THSD4: variants seen among roughly 807,000 people sequenced by gnomAD.
The protein encoded by THSD4 is thrombospondin type 1 domain containing 4.
In THSD4, 69 loss-of-function variants were observed where a neutral mutation model predicts 119.0. That is an observed-to-expected ratio of 0.58 (90% CI 0.48 to 0.71). The LOEUF (loss-of-function observed/expected upper bound fraction) is 0.71. Ranked by LOEUF, THSD4 falls within the 30% of genes least tolerant of loss-of-function variation. THSD4 has a pLI of 0.00. For missense variants in THSD4, 1,393 were observed against 1,391.1 expected (o/e 1.00, Z -0.02); for synonymous variants, 524 against 540.4 (o/e 0.97, Z 0.42).
At chr15:71,760,692 A>G (rs2053614379) in intron 15 of THSD4, among the ~76,000 whole-genome samples, 1 of 152,184 alleles carries the variant, frequency 6.6e-6, no homozygotes, top group Non-Finnish European at 1.5e-5. Flanking sequence ...TATTGATTGC[A>G]TTTATTGCAA....
intron 8 of THSD4, among the ~76,000 whole-genome samples, chr15:71,711,939 C>A (rs776616672): frequency 1.3e-5 from 2 of 152,118 alleles, no homozygotes; most frequent in African/African-American, 2.4e-5. Context: ...GAGACATAGA[C>A]AGATCCCCAA....
chr15:71,628,082 A>T (rs954755941), intron 7 of THSD4, among the ~76,000 whole-genome samples: 5 of 152,216 alleles, frequency 3.3e-5, no homozygotes, highest in African/African-American at 1.2e-4. Context: ...ACAAGTTATC[A>T]TGGCCAGGCC....
At position 71,781,470 on chromosome 15, in the gene THSD4, GA is replaced by G. The variant is rs1436004063; in HGVS notation, c.*4098del. The G allele has an allele frequency of 6.6e-6, 1 of 152,282 alleles. No individual in the cohort carries two copies. The highest frequency in any genetic ancestry group is 6.5e-5 in the Admixed American group (1 of 15,282). 9.4% of individuals were successfully genotyped at this position (152,282 alleles called of 1,614,324 possible). A position where few individuals can be genotyped will look rare whatever the true frequency, so the allele number is the denominator to read the frequency against. On this transcript the variant is annotated 3_prime_UTR_variant, in exon 18 of 18. Transcript: ENST00000261862. ...CATCACATTGTGTTTGCATTTGCCG[GA>G]ACCATACTTTAAGAAGAAAACCGAT...
intron 16 of THSD4, among the ~76,000 whole-genome samples, chr15:71,768,530 T>C (rs2053754997): frequency 6.6e-6 from 1 of 150,952 alleles, no homozygotes; most frequent in Non-Finnish European, 1.5e-5. Context: ...TATTGACCAA[T>C]TGCAACTTGC....
intron 12 of THSD4, 106 bp downstream of exon 12, chr15:71,745,341 A>AGAC: frequency 7.0e-7 from 1 of 1,430,130 alleles, no homozygotes; most frequent in Non-Finnish European, 9.4e-7. Context: ...TGAGTTAGAA[A>AGAC]TACAAGACTT....
At chr15:71,472,737 G>C (rs577203567) in intron 7 of THSD4, among the ~76,000 whole-genome samples, 3 of 152,320 alleles carry the variant, frequency 2.0e-5, no homozygotes, top group African/African-American at 7.2e-5. Flanking sequence ...TTTTAAGAGA[G>C]GTTGATTTCA....
intron 6 of THSD4, among the ~76,000 whole-genome samples, chr15:71,283,620 C>G (rs1596313538): frequency 1.3e-5 from 2 of 152,144 alleles, no homozygotes; most frequent in South Asian, 2.1e-4. Context: ...ACACAGTCCT[C>G]CGAGCACTTC....
intron 6 of THSD4, among the ~76,000 whole-genome samples, chr15:71,395,914 G>GAGAGAC (rs535919434): frequency 2.1e-3 from 286 of 133,368 alleles, no homozygotes; most frequent in Middle Eastern, 7.4e-3. Flanking sequence ...TTTGAAGAGA[G>GAGAGAC]ACACACACAC....
At chr15:71,759,601 C>T (rs1223069766) in intron 15 of THSD4, among the ~76,000 whole-genome samples, 4 of 152,124 alleles carry the variant, frequency 2.6e-5, no homozygotes, top group African/African-American at 4.8e-5. Flanking sequence ...ACCTAAACCC[C>T]AAAGATAATT....
In THSD4 at chr15:71,215,109, C is replaced by A; in HGVS notation, c.174C>A (p.Ala58=). The change falls in exon 4 of 18, where the codon GCC becomes GCA. Residue 58 remains alanine (A), a synonymous_variant. Coordinates refer to ENST00000261862, the MANE Select transcript of THSD4 (RefSeq NM_024817.3). ...GCGGCGCCCCGGGAGTGTGGGGCGC[C>A]TGGGGCCCCTGGTCGGCCTGCTCGC... ...GGGGAPGVWG[A]WGPWSACSRS... 2 of 1,341,862 alleles carry A rather than the reference C, an allele frequency of 1.5e-6. No homozygotes were observed. The highest frequency in any genetic ancestry group is 1.9e-6 in the Non-Finnish European group (2 of 1,043,688). The allele number at this position is 1,341,862 out of a possible 1,614,324, so 83.1% of individuals were successfully genotyped here. A position where few individuals can be genotyped will look rare whatever the true frequency, so the allele number is the denominator to read the frequency against.
chr15:71,566,418 A>G (rs2049240894), intron 7 of THSD4, among the ~76,000 whole-genome samples: 1 of 152,200 alleles, frequency 6.6e-6, no homozygotes, highest in African/African-American at 2.4e-5. Context: ...CTTTGTGGTC[A>G]GGTGTTAGAT....
At chr15:71,127,017 T>C (rs998588852) in intron 1 of THSD4, among the ~76,000 whole-genome samples, 3 of 152,218 alleles carry the variant, frequency 2.0e-5, no homozygotes, top group Non-Finnish European at 4.4e-5. Flanking sequence ...CACTATGCAA[T>C]AGATCTCAAA....
chr15:71,540,729 CT>C (rs34631960), intron 7 of THSD4, among the ~76,000 whole-genome samples: 3,594 of 110,602 alleles, frequency 0.032, 189 homozygotes, highest in African/African-American at 0.1. Context: ...ACCTGGCCTC[CT>C]TTTTTTTTTT....
At chr15:71,246,203 A>G (rs1330682740) in intron 5 of THSD4, among the ~76,000 whole-genome samples, 1 of 152,136 alleles carries the variant, frequency 6.6e-6, no homozygotes, top group Non-Finnish European at 1.5e-5. Flanking sequence ...TTCAGACAAG[A>G]TGGAGTATAG....
chr15:71,173,124 C>T (rs2043398994), intron 3 of THSD4, among the ~76,000 whole-genome samples: 1 of 151,708 alleles, frequency 6.6e-6, no homozygotes, highest in African/African-American at 2.4e-5. Context: ...ATGTTAAACC[C>T]TAAAATATCT....
At chr15:71,603,441 C>G (rs1366495231) in intron 7 of THSD4, among the ~76,000 whole-genome samples, 1 of 152,206 alleles carries the variant, frequency 6.6e-6, no homozygotes, top group Non-Finnish European at 1.5e-5. Flanking sequence ...GTCAGAGATT[C>G]TCCAGGGACC....
intron 4 of THSD4, among the ~76,000 whole-genome samples, chr15:71,232,228 C>T (rs942067610): frequency 4.6e-5 from 7 of 152,160 alleles, no homozygotes; most frequent in Non-Finnish European, 8.8e-5. Context: ...TGTGGGGCTG[C>T]CTTGACTTCT....
intron 3 of THSD4, among the ~76,000 whole-genome samples, chr15:71,161,530 G>T (rs887023446): frequency 6.6e-6 from 1 of 151,840 alleles, no homozygotes. Context: ...TGGATTTAAA[G>T]TCTATTTCAT....
intron 16 of THSD4, among the ~76,000 whole-genome samples, chr15:71,766,052 C>T (rs936257271): frequency 5.3e-5 from 8 of 152,040 alleles, no homozygotes; most frequent in African/African-American, 1.9e-4. Flanking sequence ...TCTTGTGGCC[C>T]TCTAAGTCTT....
Sources: allele counts gnomAD v4.1 joint callset (sites outside exome capture counted in the v4.1 genomes callset), GRCh38; gene constraint gnomAD v4.1.1; transcripts MANE v1.5; gene names NCBI Gene and HGNC (gene_info 2026-07-23, HGNC 2026-07-21).